The following NKAIN3 variants were observed in gnomAD, a reference collection of about 807,000 sequenced individuals.
NKAIN3 encodes sodium/potassium-transporting ATPase subunit beta-1-interacting protein 3.
Under a neutral mutation model 30.2 loss-of-function variants are expected in NKAIN3, and 25 were observed. The ratio of observed to expected loss-of-function variants is 0.83; its 90% CI spans 0.60 to 1.16. The LOEUF (loss-of-function observed/expected upper bound fraction) is 1.16. Ranked by LOEUF, NKAIN3 falls within the 50% of genes most tolerant of loss-of-function variation. The pLI, the probability that NKAIN3 is intolerant of heterozygous loss-of-function variation, is 0.00. For missense variants in NKAIN3, 225 were observed against 254.1 expected (o/e 0.89, Z 0.78); for synonymous variants, 91 against 89.6 (o/e 1.02, Z -0.09).
At chr8:62,996,851 G>A (rs1804127087) in intron 5 of NKAIN3, among the ~76,000 whole-genome samples, 2 of 152,310 alleles carry the variant, frequency 1.3e-5, no homozygotes, top group East Asian at 1.9e-4. Context: ...TGCAAAGGGT[G>A]GGCTCCCATG....
At chr8:62,285,362 T>TG (rs1423399018) in intron 1 of NKAIN3, among the ~76,000 whole-genome samples, 1 of 152,180 alleles carries the variant, frequency 6.6e-6, no homozygotes, top group African/African-American at 2.4e-5. Context: ...GTCTGCTTTA[T>TG]GGGGGGAAAT....
chr8:62,774,077 T>G (rs1442547506), intron 4 of NKAIN3, among the ~76,000 whole-genome samples: 1 of 152,240 alleles, frequency 6.6e-6, no homozygotes, highest in Non-Finnish European at 1.5e-5. Flanking sequence ...GTCTTAAATT[T>G]TATGCATCAG....
At chr8:62,787,624 A>T (rs1817564866) in intron 4 of NKAIN3, among the ~76,000 whole-genome samples, 1 of 152,156 alleles carries the variant, frequency 6.6e-6, no homozygotes, top group Non-Finnish European at 1.5e-5. Context: ...GGTGTGCTGC[A>T]CCCATTAACT....
intron 4 of NKAIN3, chr8:62,856,961 C>CAAAA: frequency 2.1e-6 from 1 of 471,512 alleles, no homozygotes; most frequent in Admixed American, 2.6e-5. Context: ...GAGGCATCAA[C>CAAAA]AAAAAAAAAA....
At chr8:62,918,890 A>C (rs576945320) in intron 5 of NKAIN3, among the ~76,000 whole-genome samples, 1 of 152,260 alleles carries the variant, frequency 6.6e-6, no homozygotes, top group East Asian at 1.9e-4. Flanking sequence ...AACAGTAATG[A>C]TATCAATACA....
chr8:62,602,493 A>G (rs1811009518), intron 3 of NKAIN3, among the ~76,000 whole-genome samples: 2 of 152,064 alleles, frequency 1.3e-5, no homozygotes, highest in South Asian at 4.1e-4. Context: ...TGCTTCCCCA[A>G]TCTTCTGCCC....
chr8:62,593,306 G>A (rs2130117268), intron 3 of NKAIN3, among the ~76,000 whole-genome samples: 1 of 151,286 alleles, frequency 6.6e-6, no homozygotes, highest in Non-Finnish European at 1.5e-5. Context: ...AAATTTAGAG[G>A]AAAATTGAAA....
chr8:62,303,962 G>A (rs1814137660), intron 1 of NKAIN3, among the ~76,000 whole-genome samples: 1 of 150,576 alleles, frequency 6.6e-6, no homozygotes, highest in Non-Finnish European at 1.5e-5. Flanking sequence ...AACACGATTA[G>A]TACTGTCTTT....
chr8:62,278,362 A>G (rs969283198), intron 1 of NKAIN3, among the ~76,000 whole-genome samples: 4 of 148,174 alleles, frequency 2.7e-5, no homozygotes, highest in African/African-American at 9.9e-5. Context: ...GCCTGACAGG[A>G]CCCAGAGATC....
intron 1 of NKAIN3, among the ~76,000 whole-genome samples, chr8:62,452,145 T>C (rs969890435): frequency 5.9e-5 from 9 of 152,136 alleles, no homozygotes; most frequent in Admixed American, 6.5e-5. Flanking sequence ...CTTCAATTTA[T>C]ATATTAAACC....
intron 1 of NKAIN3, among the ~76,000 whole-genome samples, chr8:62,469,543 A>G (rs1806262361): frequency 6.6e-6 from 1 of 152,140 alleles, no homozygotes; most frequent in Admixed American, 6.5e-5. Flanking sequence ...TGCCTTGTCA[A>G]GACTGGCGCC....
chr8:62,377,334 CTTAT>C (rs1817119876), intron 1 of NKAIN3, among the ~76,000 whole-genome samples: 1 of 152,064 alleles, frequency 6.6e-6, no homozygotes. Flanking sequence ...CCAAAATTCT[CTTAT>C]TTATTAAGAG....
chr8:62,280,637 T>C (rs1249049470), intron 1 of NKAIN3, among the ~76,000 whole-genome samples: 1 of 152,216 alleles, frequency 6.6e-6, no homozygotes. Flanking sequence ...GATAATCATG[T>C]GATTCTTGTC....
chr8:62,543,961 C>A (rs2129904313), intron 1 of NKAIN3, among the ~76,000 whole-genome samples: 1 of 152,070 alleles, frequency 6.6e-6, no homozygotes, highest in South Asian at 2.1e-4. Flanking sequence ...TATCTAGAGT[C>A]CCATTAATCA....
At chr8:62,628,212 G>T (rs925700877) in intron 3 of NKAIN3, among the ~76,000 whole-genome samples, 3 of 152,126 alleles carry the variant, frequency 2.0e-5, no homozygotes, top group Non-Finnish European at 4.4e-5. Context: ...ATCACGTAAG[G>T]CATGGGCCTG....
intron 1 of NKAIN3, among the ~76,000 whole-genome samples, chr8:62,441,117 A>G (rs1805311163): frequency 6.6e-6 from 1 of 152,166 alleles, no homozygotes; most frequent in African/African-American, 2.4e-5. Flanking sequence ...AGTTTTGAAT[A>G]TAAATATTCT....
intron 1 of NKAIN3, among the ~76,000 whole-genome samples, chr8:62,341,507 T>C (rs892690217): frequency 5.3e-5 from 8 of 152,042 alleles, no homozygotes; most frequent in Non-Finnish European, 1.2e-4. Flanking sequence ...TTGGTGACTC[T>C]TTCTGTCAAG....
intron 1 of NKAIN3, among the ~76,000 whole-genome samples, chr8:62,321,490 C>T (rs184015899): frequency 1.4e-4 from 21 of 152,256 alleles, no homozygotes; most frequent in African/African-American, 4.6e-4. Context: ...ATGATGGTGA[C>T]GTACAGATGG....
intron 3 of NKAIN3, among the ~76,000 whole-genome samples, chr8:62,619,113 G>A (rs527312001): frequency 8.5e-5 from 13 of 152,228 alleles, no homozygotes; most frequent in Admixed American, 4.6e-4. Context: ...AGGTGATTTC[G>A]TGTAAAGATG....
Sources: allele counts gnomAD v4.1 joint callset (sites outside exome capture counted in the v4.1 genomes callset), GRCh38; gene constraint gnomAD v4.1.1; transcripts MANE v1.5; gene names NCBI Gene and HGNC (gene_info 2026-07-23, HGNC 2026-07-21).